ITGA2: variants seen among roughly 807,000 people sequenced by gnomAD.
The protein encoded by ITGA2 is integrin subunit alpha 2.
Under a neutral mutation model 146.3 loss-of-function variants are expected in ITGA2, and 101 were observed. The observed-to-expected ratio is 0.69, with a 90% CI of 0.59 to 0.81. ITGA2 has a LOEUF of 0.81. Ranked by LOEUF, ITGA2 falls within the 40% of genes least tolerant of loss-of-function variation. ITGA2 has a pLI of 0.00. For synonymous variants in ITGA2, 477 were observed against 487.1 expected (o/e 0.98, Z 0.27); for missense variants, 1,281 against 1,402.7 (o/e 0.91, Z 1.39).
chr5:52,994,537 G>T (rs1741135140), intron 1 of ITGA2, among the ~76,000 whole-genome samples: 1 of 152,196 alleles, frequency 6.6e-6, no homozygotes, highest in Non-Finnish European at 1.5e-5. Context: ...ATTTGTTAAA[G>T]AAAATATTGT....
chr5:53,064,962 C>T lies in ITGA2; in HGVS notation c.1653C>T (p.Asn551=). The change falls in exon 14 of 30, where the codon AAC becomes AAT. Residue 551 remains asparagine (N), a synonymous_variant. Coordinates refer to ENST00000296585, the MANE Select transcript of ITGA2 (RefSeq NM_002203.4). The part of the protein sequence containing the change: ...QFLEGPEGIE[N]TRFGSAIAAL... ...TTGAAGGCCCCGAGGGCATTGAAAA[C>T]ACTCGATTTGGTTCAGCAATTGCAG... is the stretch of plus-strand genomic sequence containing the variant. The T allele has an allele frequency of 6.2e-7, 1 of 1,612,914 alleles. No individual in the cohort carries two copies.
At chr5:53,059,768 C>A in intron 10 of ITGA2, 106 bp from the exon 11 acceptor site, 1 of 1,039,824 alleles carries the variant, frequency 9.6e-7, no homozygotes, top group Non-Finnish European at 1.5e-6. Flanking sequence ...TATATTTCAT[C>A]ATTTTTAATA....
intron 14 of ITGA2, 170 bp from the exon 15 acceptor site, chr5:53,065,671 C>A: frequency 1.3e-6 from 1 of 788,362 alleles, no homozygotes; most frequent in Non-Finnish European, 2.0e-6. Flanking sequence ...AAGAGTGATG[C>A]AGAGATCAGA....
At chr5:53,037,292 A>T (rs1457135042) in intron 2 of ITGA2, among the ~76,000 whole-genome samples, 2 of 152,250 alleles carry the variant, frequency 1.3e-5, no homozygotes, top group Non-Finnish European at 2.9e-5. Flanking sequence ...ACTGGAGGAA[A>T]AGAAAAGTTT....
intron 4 of ITGA2, among the ~76,000 whole-genome samples, chr5:53,046,872 G>T (rs937524396): frequency 6.6e-6 from 1 of 151,838 alleles, no homozygotes; most frequent in Admixed American, 6.6e-5. Context: ...CTTACAATTG[G>T]CATATTTTAA....
rs1263918192 is a variant in ITGA2 at position 53,094,041 on chromosome 5, GTTATAATT to G, written c.*3450_*3457del. On this transcript the variant is annotated 3_prime_UTR_variant, in exon 30 of 30. Transcript: ENST00000296585. Reference sequence around the variant, plus strand: ...GATTATACTAAAAATTATTATAAAGGTTATAATTTTATAATGTATTTACCTGTCCTGAT... The same window carrying G: ...GATTATACTAAAAATTATTATAAAGGTTATAATGTATTTACCTGTCCTGAT... 6.6e-6 allele frequency: 1 copy of G among 152,390 alleles called. No homozygotes were observed. Among genetic ancestry groups the G allele is most frequent in the African/African-American group, 2.4e-5 (1 of 41,358 alleles). 9.4% of individuals were successfully genotyped at this position (152,390 alleles called of 1,614,324 possible).
intron 1 of ITGA2, among the ~76,000 whole-genome samples, chr5:53,007,420 A>G (rs996641746): frequency 1.3e-5 from 2 of 152,120 alleles, no homozygotes; most frequent in African/African-American, 4.8e-5. Flanking sequence ...TATGTGAGAC[A>G]TATCCTGCTA....
At position 52,998,928 on chromosome 5, in the gene ITGA2, T is replaced by A. The variant is rs575632767; in HGVS notation, c.64+9396T>A. On this transcript the variant is annotated intron_variant, in intron 1 of 29. Coordinates refer to ENST00000296585, the MANE Select transcript of ITGA2 (RefSeq NM_002203.4). The stretch of plus-strand genomic sequence containing the variant: ...TAGTATATGCAAAAATAATTCTATT[T>A]GTAAGTGTATCTGAATTTGCTAAAA... 9.8e-5 allele frequency among the ~76,000 whole-genome samples: 15 copies of A among 152,368 alleles called. No homozygotes were observed. In the South Asian group the frequency reaches 2.9e-3, roughly 29 times the overall value.
At position 53,080,518 on chromosome 5, in the gene ITGA2, C is replaced by G. The variant is rs1745871479; in HGVS notation, c.2936C>G (p.Thr979Arg). Reference sequence around the variant, plus strand: ...ATTTTATTCTCTACATAGGTAACAACAGGAAGTGTTCCAGTAAGCATGGCA... The same window carrying G: ...ATTTTATTCTCTACATAGGTAACAAGAGGAAGTGTTCCAGTAAGCATGGCA... Reference protein sequence around the residue: ...PKFIFSLKVTTGSVPVSMATV... With the variant: ...PKFIFSLKVTRGSVPVSMATV... Residue 979 changes from threonine (T) to arginine (R), a missense_variant, in exon 25 of 30, where the codon ACA (threonine) becomes AGA (arginine). Thr to Arg is a moderately conservative substitution (Grantham distance 71). This residue lies in a region of ITGA2 where 475 missense variants were observed against 530.5 expected (regional missense o/e 0.90). Transcript: ENST00000296585. The G allele has an allele frequency of 1.2e-6, 2 of 1,612,684 alleles. No homozygotes were observed. The highest frequency in any genetic ancestry group is 1.7e-6 in the Non-Finnish European group (2 of 1,178,970).
intron 19 of ITGA2, 55 bp from the exon 20 acceptor site, chr5:53,073,063 T>A (rs994358676): frequency 6.4e-7 from 1 of 1,562,816 alleles, no homozygotes. Flanking sequence ...TTTAAAATAC[T>A]GGCCTTTTTA....
At chr5:53,059,076 T>A (rs1001759209) in intron 10 of ITGA2, among the ~76,000 whole-genome samples, 1 of 151,944 alleles carries the variant, frequency 6.6e-6, no homozygotes, top group Non-Finnish European at 1.5e-5. Flanking sequence ...CAACATCTTA[T>A]CTTTGGTACG....
chr5:53,044,893 A>T lies in ITGA2; in HGVS notation c.296-108A>T, dbSNP rs1743999167. 1.2e-5 allele frequency: 9 copies of T among 774,102 alleles called. No homozygotes were observed. The Admixed American group carries it at 1.8e-4, about 15-fold the overall frequency. 48.0% of individuals were successfully genotyped at this position (774,102 alleles called of 1,614,324 possible). A position where few individuals can be genotyped will look rare whatever the true frequency, so the allele number is the denominator to read the frequency against. Reference sequence around the variant, plus strand: ...TAACTCAAGTACCTATATTGATGACACTAAATTCAATGCTACATGCAAACA... The same window carrying T: ...TAACTCAAGTACCTATATTGATGACTCTAAATTCAATGCTACATGCAAACA... On this transcript the variant is annotated intron_variant, in intron 3 of 29. Transcript: ENST00000296585.
Position 53,090,783 on chromosome 5 carries a change from CG to C in ITGA2, c.*190del. The C allele has an allele frequency of 3.1e-6, 1 of 319,306 alleles. No homozygotes were observed. Among genetic ancestry groups the C allele is most frequent in the Admixed American group, 7.3e-5 (1 of 13,622 alleles). 19.8% of individuals were successfully genotyped at this position (319,306 alleles called of 1,614,324 possible). A position where few individuals can be genotyped will look rare whatever the true frequency, so the allele number is the denominator to read the frequency against. On this transcript the variant is annotated 3_prime_UTR_variant, in exon 30 of 30. Transcript: ENST00000296585. ...GAAATTGTGGGGGGTGGGGGAGGTG[CG>C]GGGGGCAGGTAGGGAAATAATAGGG...
Position 53,081,680 on chromosome 5 carries a change from G to A in ITGA2, c.3128G>A (p.Arg1043Lys), listed in dbSNP as rs1304332005. ...SSVSFKSENF[R>K]HTKELNCRTA... The stretch of plus-strand genomic sequence containing the variant: ...GTATCTTTCAAAAGTGAAAATTTCA[G>A]GCACACCAAAGAATTGGTGAGGACA... The change falls in exon 26 of 30, where the codon AGG (arginine) becomes AAG (lysine). Residue 1043 changes from arginine (R) to lysine (K), a missense_variant. By Grantham distance (26) the Arg-to-Lys change is conservative. Transcript: ENST00000296585. 1 of 1,611,246 alleles carries A rather than the reference G, an allele frequency of 6.2e-7. No homozygotes were observed. Among genetic ancestry groups the A allele is most frequent in the African/African-American group, 1.3e-5 (1 of 74,832 alleles).
Position 53,072,024 on chromosome 5 carries a change from T to C in ITGA2, c.2322T>C (p.Tyr774=). ...NPGTSPALEA[Y]SETAKVFSIP... is the part of the protein sequence containing the mutation. Reference sequence around the variant, plus strand: ...GCACTAGCCCTGCCCTTGAAGCCTATTCTGAGACTGCCAAGGTCTTCAGTG... The same window carrying C: ...GCACTAGCCCTGCCCTTGAAGCCTACTCTGAGACTGCCAAGGTCTTCAGTG... Residue 774 remains tyrosine, a synonymous_variant, in exon 18 of 30, where the codon TAT becomes TAC. Transcript: ENST00000296585. 6.2e-7 allele frequency: 1 copy of C among 1,611,810 alleles called. No individual in the cohort carries two copies. The highest frequency in any genetic ancestry group is 8.5e-7 in the Non-Finnish European group (1 of 1,178,510).
In ITGA2 at chr5:53,045,021, G is replaced by A. The variant is rs776867877; in HGVS notation, c.316G>A (p.Val106Ile). Reference protein sequence around the residue: ...NLQTSTSIPNVTEMKTNMSLG... With the variant: ...NLQTSTSIPNITEMKTNMSLG... ...GAAAGCTTCAACAAGCATTCCAAAT[G>A]TTACTGAGATGAAAACCAACATGAG... The change falls in exon 4 of 30, where the codon GTT becomes ATT. Residue 106 changes from valine to isoleucine, a missense_variant. Physicochemically the swap from Val to Ile is conservative, Grantham distance 29 (BLOSUM62 3). This residue lies in a region of ITGA2 where 795 missense variants were observed against 841.7 expected (regional missense o/e 0.94). Coordinates refer to ENST00000296585, the MANE Select transcript of ITGA2 (RefSeq NM_002203.4). 5 of 1,613,690 alleles carry A rather than the reference G, an allele frequency of 3.1e-6. No individual in the cohort carries two copies. The South Asian group carries it at 4.4e-5, about 14-fold the overall frequency.
intron 9 of ITGA2, among the ~76,000 whole-genome samples, chr5:53,056,408 T>G (rs886907586): frequency 3.9e-5 from 6 of 151,944 alleles, no homozygotes; most frequent in Non-Finnish European, 5.9e-5. Context: ...AAAACATAAA[T>G]TAAACCGACA....
chr5:53,043,155 G>A (rs1743886471), intron 3 of ITGA2, among the ~76,000 whole-genome samples: 1 of 151,610 alleles, frequency 6.6e-6, no homozygotes, highest in Admixed American at 6.6e-5. Context: ...GCAGGTTGTG[G>A]GTGATCTAGA....
At chr5:53,040,386 G>C (rs1743727867) in intron 2 of ITGA2, among the ~76,000 whole-genome samples, 1 of 152,122 alleles carries the variant, frequency 6.6e-6, no homozygotes, top group Non-Finnish European at 1.5e-5. Context: ...AATTTTCTTG[G>C]TACCGACTCT....
Sources: gnomAD v4.1 joint callset for allele counts (sites outside exome capture counted in the v4.1 genomes callset) on GRCh38, gnomAD v4.1.1 for gene constraint, gnomAD v4.1.1 regional missense constraint, MANE v1.5 for transcripts, NCBI Gene and HGNC (gene_info 2026-07-23, HGNC 2026-07-21) for gene names.